Variants in TFEB observed in about 807,000 individuals in gnomAD.
TFEB encodes the protein T-cell transcription factor EB.
TFEB carries 12 observed loss-of-function variants against 48.0 expected under a neutral mutation model. That is an observed-to-expected ratio of 0.25 (90% CI 0.16 to 0.40). The LOEUF is 0.40. Among genes scored for constraint, TFEB ranks in the 10% least tolerant of loss-of-function variants. The pLI is 1.00. For synonymous variants in TFEB, 244 were observed against 261.4 expected, an observed-to-expected ratio of 0.93 and a Z score of 0.64; for missense variants, 509 against 640.3, an observed-to-expected ratio of 0.79 and a Z score of 2.21.
rs978650709 is a variant in TFEB at position 41,695,249 on chromosome 6, C to T, written c.-22-4014G>A. On this transcript the variant is annotated intron_variant, in intron 1 of 8. Coordinates refer to ENST00000373033, the MANE Select transcript of TFEB (RefSeq NM_001271944.2). ...GCAGTCGCTTCATAACCAGGGATCC[C>T]GGTCTCCTCTGGTCAGGCCAGAGCT... is the stretch of plus-strand genomic sequence containing the variant. 2.6e-5 allele frequency among the ~76,000 whole-genome samples: 4 copies of T among 152,290 alleles called. No individual in the cohort carries two copies. The East Asian group carries it at 7.7e-4, about 29-fold the overall frequency.
chr6:41,733,633 G>C (rs1337061444), intron 1 of TFEB: 1 of 985,346 alleles, frequency 1.0e-6, no homozygotes. Flanking sequence ...GTGGTCCTGG[G>C]GCTGGGGTCA....
chr6:41,733,646 G>A lies in TFEB; in HGVS notation c.-23+1704C>T, dbSNP rs550486494. ...TCGTGGTCCTGGGGCTGGGGTCACC[G>A]GCATGGTGAAAGCATACCGTCAGGT... On this transcript the variant is annotated intron_variant, in intron 1 of 8. Transcript: ENST00000373033. 2.5e-5 allele frequency: 25 copies of A among 985,422 alleles called. No individual in the cohort carries two copies. In the African/African-American group the frequency reaches 4.0e-4, roughly 16 times the overall value. 61.0% of individuals were successfully genotyped at this position (985,422 alleles called of 1,614,324 possible).
intron 1 of TFEB, among the ~76,000 whole-genome samples, chr6:41,712,685 G>C (rs917608746): frequency 7.9e-5 from 12 of 152,220 alleles, no homozygotes; most frequent in African/African-American, 2.9e-4. Flanking sequence ...AGCCACTGCT[G>C]TTGATAGAGC....
At position 41,685,669 on chromosome 6, in the gene TFEB, G is replaced by A. The variant is rs78433297; in HGVS notation, c.951+421C>T. ...AGATTCCTAGTGCCACCCACCAAAT[G>A]ATTCCAGCTCTCTACCTTCCAGGCA... On this transcript the variant is annotated intron_variant, in intron 8 of 8. Coordinates refer to ENST00000373033, the MANE Select transcript of TFEB (RefSeq NM_001271944.2). 4.4e-3 allele frequency among the ~76,000 whole-genome samples: 663 copies of A among 152,304 alleles called. 5 individuals are homozygous for A. The highest frequency in any genetic ancestry group is 0.015 in the African/African-American group (610 of 41,564).
In TFEB at chr6:41,691,243, T is replaced by C; in HGVS notation, c.-22-8A>G. On this transcript the variant is annotated splice_region_variant and splice_polypyrimidine_tract_variant and intron_variant, in intron 1 of 8. Transcript: ENST00000373033. This position sits in a 1 kb window ranked among gnomAD's most constrained non-coding sequence, Gnocchi z 5.2. ...GCTGCCGGCGCTGGCTCCCTGTGGA[T>C]GAGAAGGGGCAGCAGGTATATGAGG... is the stretch of plus-strand genomic sequence containing the variant. The C allele has an allele frequency of 6.4e-7, 1 of 1,560,924 alleles. No individual in the cohort carries two copies. The highest frequency in any genetic ancestry group is 8.7e-7 in the Non-Finnish European group (1 of 1,150,402).
chr6:41,713,211 C>T (rs1770563053), intron 1 of TFEB, among the ~76,000 whole-genome samples: 1 of 152,124 alleles, frequency 6.6e-6, no homozygotes, highest in South Asian at 2.1e-4. Context: ...CCAGCCTGCA[C>T]CAGGGTGCTG....
intron 1 of TFEB, among the ~76,000 whole-genome samples, chr6:41,725,986 G>C (rs1771190348): frequency 6.6e-6 from 1 of 152,246 alleles, no homozygotes; most frequent in African/African-American, 2.4e-5. Context: ...GCTCACGCCT[G>C]CAATCCTGGC....
intron 7 of TFEB, chr6:41,686,839 A>G (rs761617983): frequency 2.4e-5 from 13 of 537,998 alleles, no homozygotes; most frequent in Non-Finnish European, 4.3e-5. Flanking sequence ...CCTTAAGAAA[A>G]CTTTCTCAGC....
intron 4 of TFEB, 28 bp from the exon 5 acceptor site, chr6:41,688,056 A>G (rs1186057476): frequency 2.5e-6 from 4 of 1,595,692 alleles, no homozygotes; most frequent in Non-Finnish European, 3.4e-6. Context: ...AGGGAGACCC[A>G]TGAGTATCCC....
At chr6:41,703,102 G>A (rs1322657381) in intron 1 of TFEB, among the ~76,000 whole-genome samples, 1 of 152,224 alleles carries the variant, frequency 6.6e-6, no homozygotes, top group Admixed American at 6.5e-5. Flanking sequence ...GGCAGCCTTA[G>A]GATCCAGCCT....
chr6:41,693,679 C>T (rs1477613439), intron 1 of TFEB, among the ~76,000 whole-genome samples: 1 of 151,972 alleles, frequency 6.6e-6, no homozygotes, highest in Non-Finnish European at 1.5e-5. Flanking sequence ...CTTCTCTGCC[C>T]CTCTACACCA....
chr6:41,685,481 GAA>G (rs1768951495), intron 8 of TFEB, among the ~76,000 whole-genome samples: 1 of 152,194 alleles, frequency 6.6e-6, no homozygotes, highest in African/African-American at 2.4e-5. Context: ...TCTACCATAA[GAA>G]AGAGAAACAA....
chr6:41,726,995 T>C (rs974551555), intron 1 of TFEB, among the ~76,000 whole-genome samples: 2 of 152,116 alleles, frequency 1.3e-5, no homozygotes, highest in African/African-American at 4.8e-5. Flanking sequence ...CTTCCCCCAG[T>C]TGGCCCAGGC....
Position 41,723,807 on chromosome 6 carries a change from G to A in TFEB, c.-23+11543C>T, listed in dbSNP as rs563045587. The A allele has an allele frequency of 7.6e-6, 3 of 393,656 alleles. No homozygotes were observed. Among genetic ancestry groups the A allele is most frequent in the African/African-American group, 2.1e-5 (1 of 47,888 alleles). The allele number at this position is 393,656 out of a possible 1,614,324, so 24.4% of individuals were successfully genotyped here. A position where few individuals can be genotyped will look rare whatever the true frequency, so the allele number is the denominator to read the frequency against. Reference sequence around the variant, plus strand: ...CTCCCACAGGAGGCCTCTCATGGCCGCCCTGACCCCAGCCTGACCTCAGAG... The same window carrying A: ...CTCCCACAGGAGGCCTCTCATGGCCACCCTGACCCCAGCCTGACCTCAGAG... On this transcript the variant is annotated intron_variant, in intron 1 of 8. Transcript: ENST00000373033. The surrounding 1 kb of genome is among the most constrained non-coding windows in gnomAD (Gnocchi z 6.0).
chr6:41,717,923 C>T (rs540472689), intron 1 of TFEB, among the ~76,000 whole-genome samples: 1 of 152,214 alleles, frequency 6.6e-6, no homozygotes, highest in South Asian at 2.1e-4. Flanking sequence ...CTTTAAACAC[C>T]AGGCCTTTGA....
intron 1 of TFEB, among the ~76,000 whole-genome samples, chr6:41,718,969 C>T (rs1414573264): frequency 6.6e-6 from 1 of 152,182 alleles, no homozygotes; most frequent in South Asian, 2.1e-4. Flanking sequence ...CGGTTAGGAA[C>T]CAGACCACAC....
At chr6:41,695,034 T>C (rs963048944) in intron 1 of TFEB, among the ~76,000 whole-genome samples, 3 of 152,192 alleles carry the variant, frequency 2.0e-5, no homozygotes, top group Non-Finnish European at 2.9e-5. Flanking sequence ...AAGCCCAGAC[T>C]GGGTTCCAGC....
intron 1 of TFEB, among the ~76,000 whole-genome samples, chr6:41,710,738 C>T (rs531496713): frequency 2.6e-5 from 4 of 152,240 alleles, no homozygotes; most frequent in African/African-American, 4.8e-5. Flanking sequence ...GCCAAGGGGA[C>T]CTCCTTGCTC....
chr6:41,689,981 A>G (rs1769212845), intron 3 of TFEB, among the ~76,000 whole-genome samples, 170 bp from the exon 4 acceptor site: 1 of 152,132 alleles, frequency 6.6e-6, no homozygotes, highest in Admixed American at 6.5e-5. Flanking sequence ...TCCAGGTCCC[A>G]CTGGCCCAAC....
Sources: allele counts gnomAD v4.1 joint callset (sites outside exome capture counted in the v4.1 genomes callset), GRCh38; gene constraint gnomAD v4.1.1; non-coding constraint Gnocchi (gnomAD v3.1); transcripts MANE v1.5; gene names NCBI Gene and HGNC (gene_info 2026-07-23, HGNC 2026-07-21).